STK11IP: variants seen among roughly 807,000 people sequenced by gnomAD.
STK11IP encodes the protein serine/threonine-protein kinase 11-interacting protein.
STK11IP carries 103 observed loss-of-function variants against 131.7 expected under a neutral mutation model. The ratio of observed to expected loss-of-function variants is 0.78; its 90% CI spans 0.67 to 0.92. The LOEUF (loss-of-function observed/expected upper bound fraction) is 0.92, where lower values mean the gene tolerates loss of function less well. Among genes scored for constraint, STK11IP ranks in the 40% least tolerant of loss-of-function variants. STK11IP has a pLI of 0.00. For synonymous variants in STK11IP, 557 were observed against 575.6 expected (o/e 0.97, Z 0.46); for missense variants, 1,315 against 1,385.7 (o/e 0.95, Z 0.81).
chr2:219,613,726 C>T, intron 20 of STK11IP, 26 bp from the exon 21 acceptor site: 1 of 1,612,058 alleles, frequency 6.2e-7, no homozygotes, highest in East Asian at 2.2e-5. Flanking sequence ...CATGCTTCTC[C>T]ATTGCTCTGT....
At chr2:219,611,360 A>T (rs1698390114) in intron 17 of STK11IP, among the ~76,000 whole-genome samples, 1 of 152,176 alleles carries the variant, frequency 6.6e-6, no homozygotes. Flanking sequence ...TAGAGTTAGA[A>T]GGTAGAGTGC....
rs764745357 is a variant in STK11IP, at chr2:219,608,065, A to G, written c.1238A>G (p.His413Arg). The G allele has an allele frequency of 5.6e-6, 9 of 1,611,838 alleles. No homozygotes were observed. The African/African-American group carries it at 9.4e-5, about 17-fold the overall frequency. ...PSPAGWFVQQ[H>R]PELELMSSFR... is the part of the protein sequence containing the mutation. ...TGCCTAGGATGGTTCGTGCAGCAGC[A>G]CCCGGAGCTGGAGCTCATGAGCAGC... Residue 413 changes from histidine to arginine, a missense_variant, in exon 14 of 25, where the codon CAC (histidine) becomes CGC (arginine). His to Arg is a conservative substitution (Grantham distance 29). Coordinates refer to ENST00000456909, the MANE Select transcript of STK11IP (RefSeq NM_052902.4).
chr2:219,608,334 G>A lies in STK11IP; in HGVS notation c.1507G>A (p.Gly503Arg). 6.3e-7 allele frequency: 1 copy of A among 1,596,692 alleles called. No individual in the cohort carries two copies. The highest frequency in any genetic ancestry group is 1.8e-5 in the Admixed American group (1 of 56,446). The part of the protein sequence containing the change: ...EPQEEEEEKE[G>R]KEEKEEGEMV... ...ACAGGAGGAGGAAGAGGAGAAGGAG[G>A]GGAAGGAGGAGAAGGAGGAGGGGGA... The change falls in exon 14 of 25, where the codon GGG becomes AGG. Residue 503 changes from glycine to arginine, a missense_variant. Coordinates refer to ENST00000456909, the MANE Select transcript of STK11IP (RefSeq NM_052902.4).
chr2:219,601,869 G>A (rs1697997050), intron 4 of STK11IP, 119 bp from the exon 5 acceptor site: 1 of 1,255,010 alleles, frequency 8.0e-7, no homozygotes. Context: ...TCCATTTACT[G>A]CTTCCCTAAA....
rs1698445541 is a variant in STK11IP, at chr2:219,613,115, C to T, written c.2440-13C>T. 1 of 1,610,192 alleles carries T rather than the reference C, an allele frequency of 6.2e-7. No individual in the cohort carries two copies. Among genetic ancestry groups the T allele is most frequent in the African/African-American group, 1.3e-5 (1 of 74,782 alleles). The stretch of plus-strand genomic sequence containing the variant: ...CTCTCATCAGGTTTCTCACCAACTT[C>T]CTCTTCCCCCAGGTGCCAGTGGCAT... On this transcript the variant is annotated splice_polypyrimidine_tract_variant and intron_variant, in intron 19 of 24. Transcript: ENST00000456909.
chr2:219,605,998 A>G lies in STK11IP; in HGVS notation c.788A>G (p.Tyr263Cys), dbSNP rs1329278347. ...AATCTGCGGCACCTGGATTTGGCATACAACCTGCTGGAAGGACACCGGGAG... is the reference window on the plus strand; with the variant it reads ...AATCTGCGGCACCTGGATTTGGCATGCAACCTGCTGGAAGGACACCGGGAG... ...LRNLRHLDLA[Y>C]NLLEGHRELS... Residue 263 changes from tyrosine (Y) to cysteine (C), a missense_variant, in exon 9 of 25, where the codon TAC (tyrosine) becomes TGC (cysteine). Tyr to Cys is a radical substitution (Grantham distance 194, BLOSUM62 -2). Transcript: ENST00000456909. 2.5e-6 allele frequency: 4 copies of G among 1,609,750 alleles called. No individual in the cohort carries two copies. Among genetic ancestry groups the G allele is most frequent in the Non-Finnish European group, 3.4e-6 (4 of 1,178,170 alleles).
chr2:219,611,640 A>C lies in STK11IP; in HGVS notation c.2141A>C (p.His714Pro). The change falls in exon 18 of 25, where the codon CAC (histidine) becomes CCC (proline). Residue 714 changes from histidine to proline, a missense_variant. By Grantham distance (77) the His-to-Pro change is moderately conservative. Coordinates refer to ENST00000456909, the MANE Select transcript of STK11IP (RefSeq NM_052902.4). ...PAVCPNCGSDHVVLLAVSRGT... is the reference protein window; with the variant it reads ...PAVCPNCGSDPVVLLAVSRGT... ...GTGTGTCCTAACTGTGGTAGTGACC[A>C]CGTGGTTCTCCTCGCTGTGTCTCGG... is the stretch of plus-strand genomic sequence containing the variant. The C allele has an allele frequency of 1.2e-6, 2 of 1,612,956 alleles. No homozygotes were observed. The highest frequency in any genetic ancestry group is 4.5e-5 in the East Asian group (2 of 44,862).
chr2:219,602,065 G>A lies in STK11IP; in HGVS notation c.420G>A (p.Arg140=), dbSNP rs781117129. ...YSQLETLICS[R]SLQALEELLS... is the part of the protein sequence containing the mutation. ...AGCTGGAGACCCTGATTTGCAGCAGGAGCCTCCAGGCATTAGAGGTAAGGA... is the reference window on the plus strand; with the variant it reads ...AGCTGGAGACCCTGATTTGCAGCAGAAGCCTCCAGGCATTAGAGGTAAGGA... Residue 140 remains arginine, a synonymous_variant, in exon 5 of 25, where the codon AGG becomes AGA. Coordinates refer to ENST00000456909, the MANE Select transcript of STK11IP (RefSeq NM_052902.4). 4.4e-6 allele frequency: 7 copies of A among 1,606,878 alleles called. No individual in the cohort carries two copies. The highest frequency in any genetic ancestry group is 1.7e-5 in the Admixed American group (1 of 58,970).
Position 219,613,740 on chromosome 2 carries a change from C to G in STK11IP, c.2538-12C>G, listed in dbSNP as rs1559187985. 6.2e-7 allele frequency: 1 copy of G among 1,612,240 alleles called. No homozygotes were observed. Among genetic ancestry groups the G allele is most frequent in the Middle Eastern group, 1.7e-4 (1 of 6,058 alleles). On this transcript the variant is annotated splice_polypyrimidine_tract_variant and intron_variant, in intron 20 of 24. Coordinates refer to ENST00000456909, the MANE Select transcript of STK11IP (RefSeq NM_052902.4). The stretch of plus-strand genomic sequence containing the variant: ...TCATGCTTCTCCATTGCTCTGTCCC[C>G]TCTCTCCACAGTGAGCCTCCAGCTA...
At chr2:219,601,519 G>A (rs1156822522) in intron 3 of STK11IP, 79 bp downstream of exon 3, 1 of 1,566,826 alleles carries the variant, frequency 6.4e-7, no homozygotes, top group South Asian at 1.2e-5. Context: ...TAGGGGTGCA[G>A]AAGTCTGCAG....
chr2:219,606,082 G>T, intron 9 of STK11IP, 23 bp downstream of exon 9: 1 of 1,576,016 alleles, frequency 6.3e-7, no homozygotes, highest in Non-Finnish European at 8.6e-7. Flanking sequence ...TGCATCAGGG[G>T]CCTGGGAACC....
intron 17 of STK11IP, chr2:219,609,814 T>C (rs1259766839): frequency 1.1e-5 from 4 of 371,504 alleles, no homozygotes; most frequent in Non-Finnish European, 2.0e-5. Flanking sequence ...ACATACTCAT[T>C]ATTTTTTCAT....
At chr2:219,601,543 A>C in intron 3 of STK11IP, 98 bp from the exon 4 acceptor site, 1 of 1,552,036 alleles carries the variant, frequency 6.4e-7, no homozygotes, top group South Asian at 1.2e-5. Flanking sequence ...CAGGATCCAG[A>C]GGGTGTCAGA....
intron 24 of STK11IP, chr2:219,615,797 G>A (rs763210412): frequency 7.8e-5 from 55 of 701,224 alleles, no homozygotes; most frequent in Middle Eastern, 2.3e-4. Context: ...CTGAAATTGA[G>A]CCCGCATCTT....
chr2:219,606,563 G>A, intron 11 of STK11IP, 46 bp downstream of exon 11: 2 of 1,612,066 alleles, frequency 1.2e-6, no homozygotes, highest in Non-Finnish European at 1.7e-6. Flanking sequence ...AGACACGAAG[G>A]GAGGGCGCTG....
chr2:219,609,675 G>C, intron 17 of STK11IP, 135 bp downstream of exon 17: 1 of 1,021,152 alleles, frequency 9.8e-7, no homozygotes, highest in Non-Finnish European at 1.4e-6. Context: ...CTGCCTGGAG[G>C]AAAAAGAAAA....
chr2:219,606,124 G>A (rs114778471), intron 9 of STK11IP, 65 bp downstream of exon 9: 2 of 1,544,708 alleles, frequency 1.3e-6, no homozygotes, highest in African/African-American at 1.4e-5. Context: ...TGCTGGTTTG[G>A]TCAGTGCCTT....
At chr2:219,607,902 C>A in intron 13 of STK11IP, 145 bp from the exon 14 acceptor site, 1 of 1,056,916 alleles carries the variant, frequency 9.5e-7, no homozygotes, top group Non-Finnish European at 1.3e-6. Flanking sequence ...TTAGTACATG[C>A]CGCGGAGGGG....
chr2:219,610,756 A>G (rs1698370564), intron 17 of STK11IP, among the ~76,000 whole-genome samples: 1 of 152,046 alleles, frequency 6.6e-6, no homozygotes, highest in Admixed American at 6.6e-5. Context: ...AAGGGAATGA[A>G]CTCACCCCAT....
Sources: allele counts gnomAD v4.1 joint callset (sites outside exome capture counted in the v4.1 genomes callset), GRCh38; gene constraint gnomAD v4.1.1; transcripts MANE v1.5; gene names NCBI Gene and HGNC (gene_info 2026-07-23, HGNC 2026-07-21).